The following FEZ2 variants were observed in gnomAD, a reference collection of about 807,000 sequenced individuals.
FEZ2 encodes fasciculation and elongation protein zeta 2, also known as fasciculation and elongation protein zeta-2.
In FEZ2, 51 loss-of-function variants were observed where a neutral mutation model predicts 40.4. The ratio of observed to expected loss-of-function variants is 1.26; its 90% confidence interval spans 1.01 to 1.59. FEZ2 has a LOEUF of 1.59. FEZ2 is among the 40% of genes most tolerant of loss of function. The pLI is 0.00. For missense variants in FEZ2, 640 were observed against 438.3 expected (o/e 1.46, Z -4.11); for synonymous variants, 242 against 172.0 (o/e 1.41, Z -3.18).
rs1667841213 is a variant in FEZ2, at chr2:36,552,537, G to C, written c.*626C>G. ...AACTTAAATACAAGATTCTAAAAGT[G>C]AATGGCAATTTAATGGTTAAAATTT... On this transcript the variant is annotated 3_prime_UTR_variant, in exon 8 of 8. Transcript: ENST00000405912. The C allele has an allele frequency of 4.2e-6, 1 of 237,910 alleles. No individual in the cohort carries two copies. The allele number at this position is 237,910 out of a possible 1,614,324, so 14.7% of individuals were successfully genotyped here. A position where few individuals can be genotyped will look rare whatever the true frequency, so the allele number is the denominator to read the frequency against.
chr2:36,580,628 T>C (rs1437618803), intron 4 of FEZ2, among the ~76,000 whole-genome samples: 2 of 152,240 alleles, frequency 1.3e-5, no homozygotes, highest in Admixed American at 1.3e-4. Flanking sequence ...CACAAGACTA[T>C]TTGTACAAAC....
intron 5 of FEZ2, among the ~76,000 whole-genome samples, chr2:36,562,481 A>G (rs1298921315): frequency 6.6e-6 from 1 of 152,206 alleles, no homozygotes; most frequent in African/African-American, 2.4e-5. Context: ...AGACTGTACA[A>G]ATATGCCTCT....
chr2:36,581,316 C>T lies in FEZ2; in HGVS notation c.608G>A (p.Arg203Lys). 6.2e-7 allele frequency: 1 copy of T among 1,613,848 alleles called. No individual in the cohort carries two copies. Among genetic ancestry groups the T allele is most frequent in the Middle Eastern group, 1.6e-4 (1 of 6,062 alleles). The change falls in exon 4 of 8, where the codon AGG (arginine) becomes AAG (lysine). Residue 203 changes from arginine to lysine, a missense_variant. Arg to Lys is a conservative substitution (Grantham distance 26). Transcript: ENST00000405912. ...CTCTTCATAACTGCCGGTACTAGAC[C>T]TCTTGAGAGTTTGAATTTCCTGGGA... ...MLSQEIQTLKRSSTGSYEERV... is the reference protein window; with the variant it reads ...MLSQEIQTLKKSSTGSYEERV...
At chr2:36,597,745 G>A (rs765454568) in intron 1 of FEZ2, 132 bp downstream of exon 1, 20 of 623,480 alleles carry the variant, frequency 3.2e-5, no homozygotes, top group Non-Finnish European at 4.5e-5. Context: ...CCGGAGGAAG[G>A]AGGCGAGAGG....
At chr2:36,563,438 T>A (rs1281384493) in intron 5 of FEZ2, among the ~76,000 whole-genome samples, 2 of 150,896 alleles carry the variant, frequency 1.3e-5, no homozygotes, top group African/African-American at 4.9e-5. Context: ...AGGGAAGCAA[T>A]GTGCAGCATG....
chr2:36,572,884 G>A (rs974830317), intron 5 of FEZ2, among the ~76,000 whole-genome samples: 1 of 152,106 alleles, frequency 6.6e-6, no homozygotes, highest in Non-Finnish European at 1.5e-5. Context: ...ATATATACAA[G>A]AAAGAGTGTA....
Position 36,597,888 on chromosome 2 carries a change from C to CA in FEZ2, c.254dup (p.Gln86AlafsTer12), listed in dbSNP as rs1224851763. The CA allele has an allele frequency of 3.6e-6, 5 of 1,383,364 alleles. No individual in the cohort carries two copies. Among genetic ancestry groups the CA allele is most frequent in the Admixed American group, 3.5e-5 (1 of 28,304 alleles). 85.7% of individuals were successfully genotyped at this position (1,383,364 alleles called of 1,614,324 possible). Reference sequence around the variant, plus strand: ...GGCCCCGCACTCACTCGTCCCCCTGCAGGAGGCTGCGCTCCGTGATGGGCC... The same window carrying CA: ...GGCCCCGCACTCACTCGTCCCCCTGCAAGGAGGCTGCGCTCCGTGATGGGCC... On this transcript the variant is annotated frameshift_variant, in exon 1 of 8. Coordinates refer to ENST00000405912, the MANE Select transcript of FEZ2 (RefSeq NM_005102.3). LOFTEE classifies it high-confidence loss of function.
chr2:36,582,083 CTGTCT>C (rs1172105514), intron 3 of FEZ2, among the ~76,000 whole-genome samples: 2 of 152,128 alleles, frequency 1.3e-5, no homozygotes, highest in Admixed American at 1.3e-4. Flanking sequence ...CAATGATCTA[CTGTCT>C]AGTGCAGTGC....
At chr2:36,554,430 A>T (rs1206440632) in intron 7 of FEZ2, among the ~76,000 whole-genome samples, 1 of 152,194 alleles carries the variant, frequency 6.6e-6, no homozygotes, top group Non-Finnish European at 1.5e-5. Flanking sequence ...TATAATTAAA[A>T]TTTAAGACAT....
In FEZ2 at chr2:36,555,695, A is replaced by C. The variant is rs1452581969; in HGVS notation, c.1033T>G (p.Tyr345Asp). Residue 345 changes from tyrosine (Y) to aspartate (D), a missense_variant, in exon 7 of 8, where the codon TAT becomes GAT. By Grantham distance (160) the Tyr-to-Asp change is radical. Coordinates refer to ENST00000405912, the MANE Select transcript of FEZ2 (RefSeq NM_005102.3). ...TTATAAAACTCACCTTTCAGAATAT[A>C]ATCAGTTAACAAGCTCGGAACTTTT... ...SEKVPSLLTD[Y>D]ILKVLCPT 2.5e-6 allele frequency: 4 copies of C among 1,592,274 alleles called. No homozygotes were observed. The highest frequency in any genetic ancestry group is 3.4e-6 in the Non-Finnish European group (4 of 1,168,194).
intron 1 of FEZ2, among the ~76,000 whole-genome samples, chr2:36,593,845 T>G (rs901050593): frequency 2.0e-4 from 21 of 103,704 alleles, no homozygotes; most frequent in Non-Finnish European, 2.0e-4. Flanking sequence ...AGAAAATGGG[T>G]TTTTTTTTTT....
intron 5 of FEZ2, 47 bp from the exon 6 acceptor site, chr2:36,558,560 T>C (rs1668013898): frequency 8.6e-7 from 1 of 1,169,060 alleles, no homozygotes; most frequent in Non-Finnish European, 1.2e-6. Context: ...GGAATTACCT[T>C]ATCTGCAAAA....
In FEZ2 at chr2:36,552,593, A is replaced by G. The variant is rs1667842148; in HGVS notation, c.*570T>C. ...GTGGTGAAACAAGCAGCAAGCTACAAAATCCATCACCACCAACAGTTTCAA... is the reference window on the plus strand; with the variant it reads ...GTGGTGAAACAAGCAGCAAGCTACAGAATCCATCACCACCAACAGTTTCAA... On this transcript the variant is annotated 3_prime_UTR_variant, in exon 8 of 8. Coordinates refer to ENST00000405912, the MANE Select transcript of FEZ2 (RefSeq NM_005102.3). 4.1e-6 allele frequency: 1 copy of G among 246,236 alleles called. No individual in the cohort carries two copies. The highest frequency in any genetic ancestry group is 8.0e-6 in the Non-Finnish European group (1 of 124,460). The allele number at this position is 246,236 out of a possible 1,614,324, so 15.3% of individuals were successfully genotyped here.
chr2:36,574,824 T>C (rs796742787), intron 5 of FEZ2, among the ~76,000 whole-genome samples: 1 of 152,052 alleles, frequency 6.6e-6, no homozygotes, highest in South Asian at 2.1e-4. Context: ...TAACCCCCCA[T>C]CCTCTGCTCC....
At chr2:36,554,217 C>A (rs1357086350) in intron 7 of FEZ2, 5 of 471,146 alleles carry the variant, frequency 1.1e-5, no homozygotes, top group Non-Finnish European at 8.8e-6. Context: ...TAGATGGGTG[C>A]TGCTTCCCTA....
intron 6 of FEZ2, chr2:36,556,511 CTG>C (rs1667965134): frequency 6.6e-6 from 1 of 152,286 alleles, no homozygotes; most frequent in Non-Finnish European, 1.5e-5. Flanking sequence ...AAATATTTCA[CTG>C]TTTTTCCCCA....
chr2:36,579,108 G>A (rs1266149872), intron 4 of FEZ2: 15 of 431,762 alleles, frequency 3.5e-5, no homozygotes, highest in Non-Finnish European at 8.1e-6. Context: ...TGGCAAGAAA[G>A]TCTAACAAAA....
chr2:36,575,666 G>T (rs1668549264), intron 5 of FEZ2, among the ~76,000 whole-genome samples: 1 of 151,742 alleles, frequency 6.6e-6, no homozygotes, highest in South Asian at 2.1e-4. Flanking sequence ...ATATTTTCAT[G>T]GTCTAATGAA....
At chr2:36,566,193 C>A (rs556101693) in intron 5 of FEZ2, among the ~76,000 whole-genome samples, 123 of 152,130 alleles carry the variant, frequency 8.1e-4, no homozygotes, top group African/African-American at 2.9e-3. Context: ...ACAAAAAATT[C>A]GCCAGGCACG....
Sources: gnomAD v4.1 joint callset for allele counts (sites outside exome capture counted in the v4.1 genomes callset) on GRCh38, gnomAD v4.1.1 for gene constraint, MANE v1.5 for transcripts, NCBI Gene and HGNC (gene_info 2026-07-23, HGNC 2026-07-21) for gene names.